Variants in NFYC observed in about 807,000 individuals in gnomAD.
NFYC encodes nuclear transcription factor Y subunit gamma.
In NFYC, 25 loss-of-function variants were observed where a neutral mutation model predicts 53.1. That is an observed-to-expected ratio of 0.47 (90% CI 0.34 to 0.66). The LOEUF (loss-of-function observed/expected upper bound fraction) is 0.66. Ranked by LOEUF, NFYC falls within the 30% of genes least tolerant of loss-of-function variation. The probability of loss-of-function intolerance (pLI) is 0.01; values close to 1 mark genes in which losing one functional copy is unlikely to be tolerated. For synonymous variants in NFYC, 145 were observed against 152.6 expected (o/e 0.95, Z 0.37); for missense variants, 260 against 422.7 (o/e 0.62, Z 3.38).
chr1:40,759,097 C>T (rs182597194), intron 6 of NFYC, among the ~76,000 whole-genome samples: 71 of 152,280 alleles, frequency 4.7e-4, no homozygotes, highest in Middle Eastern at 3.4e-3. Context: ...CTTGGCTCAG[C>T]GCAGTGGCTC....
chr1:40,763,599 G>A (rs1209111902), intron 7 of NFYC: 3 of 347,336 alleles, frequency 8.6e-6, no homozygotes, highest in Non-Finnish European at 5.7e-6. Context: ...CGCCCGCCTC[G>A]GCCTCCCAAA....
Position 40,771,299 on chromosome 1 carries a change from T to C in NFYC, c.*471T>C. 1 of 366,610 alleles carries C rather than the reference T, an allele frequency of 2.7e-6. No individual in the cohort carries two copies. Among genetic ancestry groups the C allele is most frequent in the Admixed American group, 3.8e-5 (1 of 26,496 alleles). The allele number at this position is 366,610 out of a possible 1,614,324, so 22.7% of individuals were successfully genotyped here. On this transcript the variant is annotated 3_prime_UTR_variant, in exon 10 of 10. Coordinates refer to ENST00000447388, the MANE Select transcript of NFYC (RefSeq NM_014223.5). ...TGTTCTGCCCTCAGATGGAATTAGG[T>C]GAATGTGTGTAGCTGCTTTTTCACT...
chr1:40,768,549 CAG>C (rs1384022786), intron 8 of NFYC: 3 of 152,198 alleles, frequency 2.0e-5, no homozygotes, highest in African/African-American at 7.2e-5. Flanking sequence ...AAATGGTACA[CAG>C]AGGACACTGC....
Position 40,770,545 on chromosome 1 carries a change from G to C in NFYC, c.889-164G>C, listed in dbSNP as rs2148822020. ...CACCGGGCTGGTGCCTCCTGTGTCT[G>C]CTGCTCCCAACCCCAGCAGAGCTCC... On this transcript the variant is annotated intron_variant, in intron 9 of 9. Transcript: ENST00000447388. This position sits in a 1 kb window ranked among gnomAD's most constrained non-coding sequence, Gnocchi z 5.3. The C allele has an allele frequency of 1.3e-6, 2 of 1,576,928 alleles. No individual in the cohort carries two copies. The highest frequency in any genetic ancestry group is 1.7e-4 in the Middle Eastern group (1 of 6,012).
At position 40,691,801 on chromosome 1, in the gene NFYC, C is replaced by T. The variant is rs779738954; in HGVS notation, c.-75C>T. ...CCCCTCCCCTCCGCCGCGCCTGGGC[C>T]TCTGCATTGCCCGACTCCGTAGGAG... On this transcript the variant is annotated 5_prime_UTR_variant, in exon 1 of 10. Coordinates refer to ENST00000447388, the MANE Select transcript of NFYC (RefSeq NM_014223.5). 3 of 449,038 alleles carry T rather than the reference C, an allele frequency of 6.7e-6. No homozygotes were observed. Among genetic ancestry groups the T allele is most frequent in the Non-Finnish European group, 1.3e-5 (3 of 223,592 alleles). The allele number at this position is 449,038 out of a possible 1,614,324, so 27.8% of individuals were successfully genotyped here.
In NFYC at chr1:40,706,523, TC is replaced by T. The variant is rs775634758; in HGVS notation, c.-9+14657del. ...AAATGAGGAGTTTCTAGAAAAGAGC[TC>T]GTCTACCTAGCAAAACAATTGTATT... On this transcript the variant is annotated intron_variant, in intron 1 of 9. Transcript: ENST00000447388. Among the ~76,000 whole-genome samples, 3 of 152,194 alleles carry T rather than the reference TC, an allele frequency of 2.0e-5. 1 individual carries two copies. Among genetic ancestry groups the T allele is most frequent in the Admixed American group, 6.5e-5 (1 of 15,284 alleles).
At chr1:40,692,620 A>C (rs1210582509) in intron 1 of NFYC, among the ~76,000 whole-genome samples, 1 of 152,128 alleles carries the variant, frequency 6.6e-6, no homozygotes, top group Non-Finnish European at 1.5e-5. Context: ...GAACGGTAGA[A>C]TCGGATCAGG....
intron 1 of NFYC, among the ~76,000 whole-genome samples, chr1:40,718,638 T>G (rs1437475773): frequency 6.6e-6 from 1 of 152,242 alleles, no homozygotes; most frequent in Non-Finnish European, 1.5e-5. Context: ...ACTACCAGTA[T>G]TTTGGAAATT....
At chr1:40,751,129 G>A (rs1645890845) in intron 4 of NFYC, among the ~76,000 whole-genome samples, 1 of 152,144 alleles carries the variant, frequency 6.6e-6, no homozygotes, top group Non-Finnish European at 1.5e-5. Context: ...AACAACTCAA[G>A]TGTCCATCAA....
chr1:40,757,772 C>T (rs1449110469), intron 5 of NFYC, among the ~76,000 whole-genome samples: 2 of 152,250 alleles, frequency 1.3e-5, no homozygotes, highest in Non-Finnish European at 2.9e-5. Context: ...GCAATTAGCA[C>T]TGTTCTCAGA....
chr1:40,724,673 A>G (rs1162148690), intron 1 of NFYC, among the ~76,000 whole-genome samples: 1 of 152,208 alleles, frequency 6.6e-6, no homozygotes, highest in East Asian at 1.9e-4. Flanking sequence ...TGTTCTGTTC[A>G]TGCCTTCCCG....
At chr1:40,730,686 A>G (rs1165411395) in intron 1 of NFYC, 1 of 747,218 alleles carries the variant, frequency 1.3e-6, no homozygotes, top group Non-Finnish European at 1.6e-6. Flanking sequence ...ACTCAACCCA[A>G]AAAGCCTAAG....
intron 5 of NFYC, chr1:40,757,212 G>GGTCACTCCGGATCAGACGCC: frequency 3.0e-6 from 1 of 332,142 alleles, no homozygotes; most frequent in Admixed American, 2.8e-5. Flanking sequence ...GTGTCACACA[G>GGTCACTCCGGATCAGACGCC]GTCACTCCGG....
chr1:40,736,869 G>A (rs923320404), intron 1 of NFYC, among the ~76,000 whole-genome samples: 1 of 145,064 alleles, frequency 6.9e-6, no homozygotes, highest in Non-Finnish European at 1.5e-5. Flanking sequence ...GCTCACGCCT[G>A]TAATCCCAGC....
chr1:40,758,832 G>C (rs1646376368), intron 6 of NFYC, among the ~76,000 whole-genome samples: 1 of 152,074 alleles, frequency 6.6e-6, no homozygotes, highest in South Asian at 2.1e-4. Flanking sequence ...GTTTGTTGGG[G>C]GTCATGTGAG....
intron 1 of NFYC, 111 bp downstream of exon 1, chr1:40,691,978 G>A (rs1380597609): frequency 3.3e-6 from 1 of 304,674 alleles, no homozygotes; most frequent in Non-Finnish European, 6.5e-6. Flanking sequence ...CGCGGCCGCT[G>A]CTGTAGCTCG....
At chr1:40,732,959 T>C (rs1208798790) in intron 1 of NFYC, among the ~76,000 whole-genome samples, 1 of 151,268 alleles carries the variant, frequency 6.6e-6, no homozygotes, top group Non-Finnish European at 1.5e-5. Flanking sequence ...CCATTTCCTT[T>C]GGTTAGGCAA....
chr1:40,741,714 C>G (rs937471407), intron 2 of NFYC, among the ~76,000 whole-genome samples: 10 of 151,282 alleles, frequency 6.6e-5, no homozygotes, highest in Non-Finnish European at 7.4e-5. Context: ...GCGATCCTCC[C>G]GCCTCAGCCT....
intron 1 of NFYC, among the ~76,000 whole-genome samples, chr1:40,717,676 C>T (rs1040223371): frequency 2.6e-5 from 4 of 152,168 alleles, no homozygotes; most frequent in Non-Finnish European, 5.9e-5. Context: ...ACAAATATTT[C>T]CTTGAGATTA....
Sources: gnomAD v4.1 joint callset for allele counts (sites outside exome capture counted in the v4.1 genomes callset) on GRCh38, gnomAD v4.1.1 for gene constraint, Gnocchi (gnomAD v3.1) non-coding constraint, MANE v1.5 for transcripts, NCBI Gene and HGNC (gene_info 2026-07-23, HGNC 2026-07-21) for gene names.